The following CCSER1 variants were observed in gnomAD, a reference collection of about 807,000 sequenced individuals.
CCSER1 encodes the protein coiled-coil serine rich protein 1.
In CCSER1, 41 loss-of-function variants were observed where a neutral mutation model predicts 82.0. The ratio of observed to expected loss-of-function variants is 0.50; its 90% CI spans 0.39 to 0.65. The LOEUF (loss-of-function observed/expected upper bound fraction) is 0.65, where lower values mean the gene tolerates loss of function less well. Among genes scored for constraint, CCSER1 ranks in the 30% least tolerant of loss-of-function variants. The probability of loss-of-function intolerance (pLI) is 0.00; values close to 1 mark genes in which losing one functional copy is unlikely to be tolerated. For missense variants in CCSER1, 1,119 were observed against 1,064.2 expected, an observed-to-expected ratio of 1.05 and a Z score of -0.72; for synonymous variants, 414 against 383.9, an observed-to-expected ratio of 1.08 and a Z score of -0.92.
chr4:90,252,994 AG>A (rs1350478487), intron 1 of CCSER1, among the ~76,000 whole-genome samples: 2 of 151,928 alleles, frequency 1.3e-5, no homozygotes, highest in Non-Finnish European at 2.9e-5. Flanking sequence ...GTTTTTATTT[AG>A]TCTGACAATC....
At chr4:91,222,626 T>A (rs539115497) in intron 10 of CCSER1, among the ~76,000 whole-genome samples, 1 of 152,272 alleles carries the variant, frequency 6.6e-6, no homozygotes, top group Non-Finnish European at 1.5e-5. Context: ...TGGGTTTTTT[T>A]AGTATCTAAG....
chr4:91,029,826 A>T (rs1740815921), intron 9 of CCSER1, among the ~76,000 whole-genome samples: 1 of 152,238 alleles, frequency 6.6e-6, no homozygotes, highest in East Asian at 1.9e-4. Context: ...TGTAAGTTCT[A>T]TTTAAATGGA....
intron 5 of CCSER1, among the ~76,000 whole-genome samples, chr4:90,609,277 A>T (rs1785145451): frequency 6.6e-6 from 1 of 151,940 alleles, no homozygotes; most frequent in Non-Finnish European, 1.5e-5. Context: ...AAATTGTTTC[A>T]CTTTTCACTG....
chr4:90,268,198 A>C (rs1324765876), intron 1 of CCSER1, among the ~76,000 whole-genome samples: 1 of 152,178 alleles, frequency 6.6e-6, no homozygotes, highest in East Asian at 1.9e-4. Flanking sequence ...AGCAATAAGG[A>C]ATCATCTGAA....
chr4:91,580,043 T>A (rs1223226710), intron 10 of CCSER1, among the ~76,000 whole-genome samples: 1 of 151,780 alleles, frequency 6.6e-6, no homozygotes, highest in Non-Finnish European at 1.5e-5. Context: ...ACATTGGGAA[T>A]AATGGAAAAA....
At chr4:91,301,273 A>C (rs1744643136) in intron 10 of CCSER1, among the ~76,000 whole-genome samples, 1 of 151,808 alleles carries the variant, frequency 6.6e-6, no homozygotes, top group Non-Finnish European at 1.5e-5. Flanking sequence ...TAATTAATAC[A>C]TTGTCTACTG....
At position 91,449,654 on chromosome 4, in the gene CCSER1, T is replaced by G. The variant is rs150670894; in HGVS notation, c.2218-148918T>G. 9.5e-3 allele frequency among the ~76,000 whole-genome samples: 1,444 copies of G among 152,166 alleles called. 22 individuals are homozygous for G. The highest frequency in any genetic ancestry group is 0.033 in the African/African-American group (1,353 of 41,544). ...TCTCCTCACTCCAAGATTATGATAC[T>G]GTGAAATTTTAATCACTTTTCAGTC... On this transcript the variant is annotated intron_variant, in intron 10 of 10. Transcript: ENST00000509176.
intron 5 of CCSER1, among the ~76,000 whole-genome samples, chr4:90,503,239 G>T (rs932939048): frequency 3.3e-5 from 5 of 152,032 alleles, no homozygotes; most frequent in African/African-American, 4.8e-5. Context: ...TTTTGAGCTT[G>T]CAAAGGGTAC....
intron 10 of CCSER1, among the ~76,000 whole-genome samples, chr4:91,271,082 G>T (rs533979758): frequency 1.3e-5 from 2 of 151,744 alleles, no homozygotes; most frequent in African/African-American, 4.8e-5. Context: ...ATTAAATATT[G>T]TTGTTTTAAT....
intron 9 of CCSER1, among the ~76,000 whole-genome samples, chr4:91,003,220 T>G (rs1738197100): frequency 6.6e-6 from 1 of 151,896 alleles, no homozygotes; most frequent in African/African-American, 2.4e-5. Context: ...TTTGTACGAG[T>G]GGGCCTCCTG....
chr4:90,547,163 C>A (rs201097132), intron 5 of CCSER1, among the ~76,000 whole-genome samples: 3 of 106,074 alleles, frequency 2.8e-5, no homozygotes, highest in Non-Finnish European at 5.5e-5. Context: ...GTATTTATGA[C>A]TTTTTGGAGT....
At chr4:91,218,832 T>C (rs1737505750) in intron 10 of CCSER1, among the ~76,000 whole-genome samples, 1 of 152,154 alleles carries the variant, frequency 6.6e-6, no homozygotes, top group Non-Finnish European at 1.5e-5. Context: ...CTGGAAACTG[T>C]GATTGATTCA....
Position 91,180,377 on chromosome 4 carries a change from C to A in CCSER1, c.2217+94383C>A, listed in dbSNP as rs945712093. Among the ~76,000 whole-genome samples, 7 of 152,216 alleles carry A rather than the reference C, an allele frequency of 4.6e-5. No homozygotes were observed. The East Asian group carries it at 1.3e-3, about 29-fold the overall frequency. Reference sequence around the variant, plus strand: ...TTGAAGTCTGCAGAAGTTTCTGCTGCCTTTTGTTCAGTTATGTCCTGCCCC... The same window carrying A: ...TTGAAGTCTGCAGAAGTTTCTGCTGACTTTTGTTCAGTTATGTCCTGCCCC... On this transcript the variant is annotated intron_variant, in intron 10 of 10. Coordinates refer to ENST00000509176, the MANE Select transcript of CCSER1 (RefSeq NM_001145065.2).
intron 3 of CCSER1, among the ~76,000 whole-genome samples, chr4:90,317,521 C>T (rs571229788): frequency 6.6e-6 from 1 of 152,254 alleles, no homozygotes; most frequent in South Asian, 2.1e-4. Flanking sequence ...ACTCGGAAGG[C>T]TGAGGCAGGA....
At chr4:91,060,288 C>CAT (rs1215933576) in intron 9 of CCSER1, among the ~76,000 whole-genome samples, 2 of 151,912 alleles carry the variant, frequency 1.3e-5, no homozygotes, top group African/African-American at 4.8e-5. Flanking sequence ...AGAAATAAAA[C>CAT]ATTTATTAGG....
chr4:90,461,025 G>T (rs1762831405), intron 4 of CCSER1, among the ~76,000 whole-genome samples: 1 of 124,818 alleles, frequency 8.0e-6, no homozygotes. Flanking sequence ...ACTCAGTCTT[G>T]TTCCTGTACT....
chr4:91,423,177 A>G (rs1277620877), intron 10 of CCSER1, among the ~76,000 whole-genome samples: 1 of 151,956 alleles, frequency 6.6e-6, no homozygotes, highest in African/African-American at 2.4e-5. Flanking sequence ...TGTAGTCCCA[A>G]CACTTTGGGA....
intron 3 of CCSER1, among the ~76,000 whole-genome samples, chr4:90,364,731 G>C (rs1745966865): frequency 6.6e-6 from 1 of 151,958 alleles, no homozygotes; most frequent in Non-Finnish European, 1.5e-5. Flanking sequence ...GACAGTTAGT[G>C]TGATGATGTA....
chr4:90,392,838 C>A (rs1351984644), intron 3 of CCSER1, among the ~76,000 whole-genome samples: 1 of 152,102 alleles, frequency 6.6e-6, no homozygotes, highest in Non-Finnish European at 1.5e-5. Flanking sequence ...TAAGGCAATT[C>A]TATCATAAGG....
Sources: allele counts gnomAD v4.1 joint callset (sites outside exome capture counted in the v4.1 genomes callset), GRCh38; gene constraint gnomAD v4.1.1; transcripts MANE v1.5; gene names NCBI Gene and HGNC (gene_info 2026-07-23, HGNC 2026-07-21).